HCN1: variants seen among roughly 807,000 people sequenced by gnomAD.
HCN1 encodes the protein hyperpolarization activated cyclic nucleotide gated potassium channel 1.
In HCN1, 13 loss-of-function variants were observed where a neutral mutation model predicts 78.9. The ratio of observed to expected loss-of-function variants is 0.16; its 90% confidence interval spans 0.11 to 0.26. The LOEUF (loss-of-function observed/expected upper bound fraction) is 0.26, where lower values mean the gene tolerates loss of function less well. HCN1 is among the 10% of genes least tolerant of loss of function. The pLI is 1.00. For missense variants in HCN1, 810 were observed against 1,154.3 expected, an observed-to-expected ratio of 0.70 and a Z score of 4.32; for synonymous variants, 552 against 455.5, an observed-to-expected ratio of 1.21 and a Z score of -2.70.
chr5:45,504,791 T>A (rs1488384759), intron 2 of HCN1, among the ~76,000 whole-genome samples: 11 of 152,246 alleles, frequency 7.2e-5, no homozygotes, highest in Admixed American at 5.9e-4. Flanking sequence ...TGATTGTCAT[T>A]CCAATTGGTG....
At chr5:45,373,514 A>C (rs944485053) in intron 4 of HCN1, among the ~76,000 whole-genome samples, 17 of 141,198 alleles carry the variant, frequency 1.2e-4, no homozygotes, top group African/African-American at 4.4e-4. Flanking sequence ...TACATCATCT[A>C]TAATATATAT....
At chr5:45,694,978 CT>C (rs1327501857) in intron 1 of HCN1, 1 of 152,208 alleles carries the variant, frequency 6.6e-6, no homozygotes, top group African/African-American at 2.4e-5. Context: ...TCAACGCCCC[CT>C]CTCTCTGTTT....
chr5:45,410,070 T>C (rs1739995780), intron 3 of HCN1, among the ~76,000 whole-genome samples: 1 of 152,004 alleles, frequency 6.6e-6, no homozygotes, highest in Non-Finnish European at 1.5e-5. Flanking sequence ...ATAATCATAA[T>C]ACTGACCATA....
chr5:45,677,552 AAAG>A (rs1038251829), intron 1 of HCN1, among the ~76,000 whole-genome samples: 3 of 151,916 alleles, frequency 2.0e-5, no homozygotes, highest in Non-Finnish European at 4.4e-5. Flanking sequence ...TTATATTTAA[AAAG>A]AAGGAGGTTA....
chr5:45,614,306 C>T (rs1744900539), intron 2 of HCN1, among the ~76,000 whole-genome samples: 2 of 152,074 alleles, frequency 1.3e-5, no homozygotes, highest in Non-Finnish European at 2.9e-5. Context: ...CGTCTGTCTC[C>T]TAATTTCCTA....
chr5:45,416,271 A>C (rs1579879462), intron 3 of HCN1, among the ~76,000 whole-genome samples: 1 of 151,620 alleles, frequency 6.6e-6, no homozygotes, highest in African/African-American at 2.4e-5. Flanking sequence ...CATATATCCC[A>C]CTCCTCACTT....
chr5:45,428,824 A>G (rs992613190), intron 3 of HCN1, among the ~76,000 whole-genome samples: 2 of 152,148 alleles, frequency 1.3e-5, no homozygotes, highest in Admixed American at 1.3e-4. Context: ...GATAGGAAAG[A>G]TTAAAAAGCT....
At chr5:45,364,252 C>T (rs1043602105) in intron 4 of HCN1, among the ~76,000 whole-genome samples, 1 of 152,126 alleles carries the variant, frequency 6.6e-6, no homozygotes, top group African/African-American at 2.4e-5. Flanking sequence ...CAATCCTTCC[C>T]ACTCACATGA....
chr5:45,528,748 T>G (rs1742787521), intron 2 of HCN1, among the ~76,000 whole-genome samples: 1 of 152,054 alleles, frequency 6.6e-6, no homozygotes, highest in Non-Finnish European at 1.5e-5. Context: ...CTATGAACTC[T>G]GACAAGATAA....
At chr5:45,407,768 C>T (rs1190468933) in intron 3 of HCN1, among the ~76,000 whole-genome samples, 2 of 152,178 alleles carry the variant, frequency 1.3e-5, no homozygotes, top group East Asian at 3.9e-4. Flanking sequence ...CCTCAGCCTC[C>T]TAAAGTGCTG....
chr5:45,583,244 T>C (rs1744125598), intron 2 of HCN1, among the ~76,000 whole-genome samples: 2 of 152,174 alleles, frequency 1.3e-5, no homozygotes, highest in African/African-American at 4.8e-5. Context: ...TCTTACTGGT[T>C]TAGTCTTGGG....
chr5:45,473,141 ATACTC>A (rs1241109719), intron 2 of HCN1, among the ~76,000 whole-genome samples: 1 of 151,894 alleles, frequency 6.6e-6, no homozygotes, highest in Non-Finnish European at 1.5e-5. Context: ...AAAATTTTCA[ATACTC>A]TTCTCCTCTG....
intron 5 of HCN1, among the ~76,000 whole-genome samples, chr5:45,305,939 G>A (rs552031774): frequency 5.9e-5 from 9 of 152,158 alleles, no homozygotes; most frequent in African/African-American, 2.2e-4. Context: ...TTTTCTCGTT[G>A]GGAGATGGTT....
intron 5 of HCN1, among the ~76,000 whole-genome samples, chr5:45,324,481 T>A (rs1252551951): frequency 6.6e-6 from 1 of 151,820 alleles, no homozygotes; most frequent in Non-Finnish European, 1.5e-5. Context: ...AGAATGACGA[T>A]CATTAAAAGT....
chr5:45,442,976 T>C (rs777902726), intron 3 of HCN1, among the ~76,000 whole-genome samples: 1 of 152,098 alleles, frequency 6.6e-6, no homozygotes, highest in Non-Finnish European at 1.5e-5. Flanking sequence ...CCTAACTTTT[T>C]CTATATCCAG....
chr5:45,454,465 C>T (rs1454701841), intron 3 of HCN1, among the ~76,000 whole-genome samples: 1 of 149,758 alleles, frequency 6.7e-6, no homozygotes, highest in African/African-American at 2.5e-5. Context: ...AAATTAGTTA[C>T]CCTTTGTTAG....
chr5:45,420,397 A>T (rs941104972), intron 3 of HCN1, among the ~76,000 whole-genome samples: 1 of 152,156 alleles, frequency 6.6e-6, no homozygotes, highest in Non-Finnish European at 1.5e-5. Flanking sequence ...TTGGCTAATG[A>T]GGTAAAAGTC....
chr5:45,592,553 A>T (rs1293133674), intron 2 of HCN1, among the ~76,000 whole-genome samples: 4 of 152,154 alleles, frequency 2.6e-5, no homozygotes, highest in Non-Finnish European at 5.9e-5. Context: ...ATTTCATTAT[A>T]TCATATGTTC....
chr5:45,273,549 A>C (rs1349167589), intron 6 of HCN1, among the ~76,000 whole-genome samples: 1 of 152,160 alleles, frequency 6.6e-6, no homozygotes, highest in Non-Finnish European at 1.5e-5. Context: ...GCTGTGACAC[A>C]GAGCTAATCA....
Sources: gnomAD v4.1 joint callset for allele counts (sites outside exome capture counted in the v4.1 genomes callset) on GRCh38, gnomAD v4.1.1 for gene constraint, MANE v1.5 for transcripts, NCBI Gene and HGNC (gene_info 2026-07-23, HGNC 2026-07-21) for gene names.